PRRT2: variants seen among roughly 807,000 people sequenced by gnomAD.
PRRT2 encodes the protein proline rich transmembrane protein 2.
PRRT2 carries 9 observed loss-of-function variants against 24.7 expected under a neutral mutation model. That is an observed-to-expected ratio of 0.36 (90% CI 0.22 to 0.64). The LOEUF (loss-of-function observed/expected upper bound fraction) is 0.64, where lower values mean the gene tolerates loss of function less well. Among genes scored for constraint, PRRT2 ranks in the 30% least tolerant of loss-of-function variants. PRRT2 has a pLI of 0.65. For missense variants in PRRT2, 460 were observed against 435.0 expected (o/e 1.06, Z -0.51); for synonymous variants, 195 against 175.5 (o/e 1.11, Z -0.88).
Position 29,814,198 on chromosome 16 carries a change from ACTC to A in PRRT2, c.880-129_880-127del. Reference sequence around the variant, plus strand: ...TGTGCCCTCCTCCCCCTGCCCCTTCACTCCTCCTTCCTCCCTTACCCGCCATCT... The same window carrying A: ...TGTGCCCTCCTCCCCCTGCCCCTTCACTCCTTCCTCCCTTACCCGCCATCT... On this transcript the variant is annotated intron_variant, in intron 2 of 3. Coordinates refer to ENST00000358758, the MANE Select transcript of PRRT2 (RefSeq NM_145239.3). This position sits in a 1 kb window ranked among gnomAD's most constrained non-coding sequence, Gnocchi z 4.1. 2 of 1,473,466 alleles carry A rather than the reference ACTC, an allele frequency of 1.4e-6. No homozygotes were observed. Among genetic ancestry groups the A allele is most frequent in the Admixed American group, 2.4e-5 (1 of 41,200 alleles). The allele number at this position is 1,473,466 out of a possible 1,614,324, so 91.3% of individuals were successfully genotyped here.
At chr16:29,812,711 G>A (rs1900038738) in intron 1 of PRRT2, among the ~76,000 whole-genome samples, 1 of 151,948 alleles carries the variant, frequency 6.6e-6, no homozygotes, top group South Asian at 2.1e-4. Context: ...TGGGATCTGA[G>A]AGTCTGGATC....
In PRRT2 at chr16:29,813,787, CG is replaced by C; in HGVS notation, c.734del (p.Arg245ProfsTer68). The C allele has an allele frequency of 6.2e-7, 1 of 1,606,390 alleles. No homozygotes were observed. The highest frequency in any genetic ancestry group is 8.5e-7 in the Non-Finnish European group (1 of 1,176,236). On this transcript the variant is annotated frameshift_variant, in exon 2 of 4. Coordinates refer to ENST00000358758, the MANE Select transcript of PRRT2 (RefSeq NM_145239.3). LOFTEE classifies it high-confidence loss of function. ...AGGATCTCCCCGAGGTAGCCTGAGC[CG>C]CCACCCCAGCTCCCAGTTGGCAGGT... ...HPGSPRGSLS[R>X]HPSSQLAGPG...
Position 29,815,570 on chromosome 16 carries a change from G to A in PRRT2, c.*932G>A, listed in dbSNP as rs1900202020. 1 of 152,456 alleles carries A rather than the reference G, an allele frequency of 6.6e-6. No individual in the cohort carries two copies. Among genetic ancestry groups the A allele is most frequent in the Admixed American group, 6.5e-5 (1 of 15,294 alleles). 9.4% of individuals were successfully genotyped at this position (152,456 alleles called of 1,614,324 possible). On this transcript the variant is annotated 3_prime_UTR_variant, in exon 4 of 4. Coordinates refer to ENST00000358758, the MANE Select transcript of PRRT2 (RefSeq NM_145239.3). Reference sequence around the variant, plus strand: ...CGTAATGAAATAATCCAAAAAATAGGACCAAAGCGCCCACTGGCAGGAGCG... The same window carrying A: ...CGTAATGAAATAATCCAAAAAATAGAACCAAAGCGCCCACTGGCAGGAGCG...
At chr16:29,812,491 GAGGGGCTGAC>G (rs1163807513) in intron 1 of PRRT2, 168 bp downstream of exon 1, 1 of 152,708 alleles carries the variant, frequency 6.5e-6, no homozygotes, top group Non-Finnish European at 1.5e-5. Flanking sequence ...AGCCCCGGGA[GAGGGGCTGAC>G]AGGGGATCGA....
At chr16:29,812,695 G>C (rs1567378171) in intron 1 of PRRT2, among the ~76,000 whole-genome samples, 1 of 151,930 alleles carries the variant, frequency 6.6e-6, no homozygotes, top group Non-Finnish European at 1.5e-5. Flanking sequence ...GTTGATTTTG[G>C]GGTGCTGGGA....
Position 29,814,660 on chromosome 16 carries a change from A to G in PRRT2, c.*22A>G. 6.2e-7 allele frequency: 1 copy of G among 1,604,396 alleles called. No homozygotes were observed. Among genetic ancestry groups the G allele is most frequent in the Non-Finnish European group, 8.5e-7 (1 of 1,175,494 alleles). ...GTGAGGGGCTCTGCCCCGCATCCCA[A>G]GACTTTTCTTCCTGTTGGGAGCTGC... On this transcript the variant is annotated 3_prime_UTR_variant, in exon 4 of 4. Coordinates refer to ENST00000358758, the MANE Select transcript of PRRT2 (RefSeq NM_145239.3). This position sits in a 1 kb window ranked among gnomAD's most constrained non-coding sequence, Gnocchi z 4.1.
chr16:29,814,238 C>T lies in PRRT2; in HGVS notation c.880-95C>T. ...CTTACCCGCCATCTATGGGGCTGGC[C>T]TCTCTCTCTTCTGGATGACTTTTCC... On this transcript the variant is annotated intron_variant, in intron 2 of 3. Transcript: ENST00000358758. The surrounding 1 kb of genome is among the most constrained non-coding windows in gnomAD (Gnocchi z 4.1). The T allele has an allele frequency of 2.0e-6, 3 of 1,498,266 alleles. No individual in the cohort carries two copies. The highest frequency in any genetic ancestry group is 2.3e-5 in the Admixed American group (1 of 43,998). The allele number at this position is 1,498,266 out of a possible 1,614,324, so 92.8% of individuals were successfully genotyped here. A position where few individuals can be genotyped will look rare whatever the true frequency, so the allele number is the denominator to read the frequency against.
At position 29,813,592 on chromosome 16, in the gene PRRT2, G is replaced by A. The variant is rs2142425174; in HGVS notation, c.538G>A (p.Glu180Lys). 1 of 1,613,672 alleles carries A rather than the reference G, an allele frequency of 6.2e-7. No individual in the cohort carries two copies. Among genetic ancestry groups the A allele is most frequent in the Middle Eastern group, 1.7e-4 (1 of 6,058 alleles). Residue 180 changes from glutamate (E) to lysine (K), a missense_variant, in exon 2 of 4, where the codon GAG becomes AAG. Glu to Lys is a moderately conservative substitution (Grantham distance 56, BLOSUM62 1). Coordinates refer to ENST00000358758, the MANE Select transcript of PRRT2 (RefSeq NM_145239.3). Reference sequence around the variant, plus strand: ...GTCTGAGAGTGTAGGGGAAAAGCAAGAGAATGGGGCAGTGGTGCCCCTGCA... The same window carrying A: ...GTCTGAGAGTGTAGGGGAAAAGCAAAAGAATGGGGCAGTGGTGCCCCTGCA... ...ILSESVGEKQ[E>K]NGAVVPLQAG...
chr16:29,814,398 C>T lies in PRRT2; in HGVS notation c.945C>T (p.Leu315=). The change falls in exon 3 of 4, where the codon CTC becomes CTT. Residue 315 remains leucine, a synonymous_variant. Transcript: ENST00000358758. The surrounding 1 kb of genome is among the most constrained non-coding windows in gnomAD (Gnocchi z 4.1). ...AGCGTCTGGGCCGGGTAGCCAAGCT[C>T]TTAAGCATCGTGGCGCTGGTGGGGG... ...GAQRLGRVAK[L]LSIVALVGGV... The T allele has an allele frequency of 1.2e-5, 20 of 1,611,204 alleles. No individual in the cohort carries two copies. The highest frequency in any genetic ancestry group is 1.7e-5 in the Non-Finnish European group (20 of 1,178,982).
In PRRT2 at chr16:29,815,591, G is replaced by C. The variant is rs1250207819; in HGVS notation, c.*953G>C. ...ATAGGACCAAAGCGCCCACTGGCAG[G>C]AGCGAGGGCGGGGCGCCGCGCTCTA... On this transcript the variant is annotated 3_prime_UTR_variant, in exon 4 of 4. Coordinates refer to ENST00000358758, the MANE Select transcript of PRRT2 (RefSeq NM_145239.3). The C allele has an allele frequency of 6.6e-6, 1 of 152,436 alleles. No homozygotes were observed. The highest frequency in any genetic ancestry group is 3.2e-3 in the Middle Eastern group (1 of 316). The allele number at this position is 152,436 out of a possible 1,614,324, so 9.4% of individuals were successfully genotyped here. A position where few individuals can be genotyped will look rare whatever the true frequency, so the allele number is the denominator to read the frequency against.
chr16:29,813,885 C>T lies in PRRT2; in HGVS notation c.831C>T (p.Phe277=). 1 of 1,612,356 alleles carries T rather than the reference C, an allele frequency of 6.2e-7. No individual in the cohort carries two copies. Among genetic ancestry groups the T allele is most frequent in the Non-Finnish European group, 8.5e-7 (1 of 1,179,010 alleles). The change falls in exon 2 of 4, where the codon TTC becomes TTT. Residue 277 remains phenylalanine, a synonymous_variant. Coordinates refer to ENST00000358758, the MANE Select transcript of PRRT2 (RefSeq NM_145239.3). Reference sequence around the variant, plus strand: ...TCATCCTTGCCATCCTGTCCTGCTTCTGCCCCATGTGGCCTGTCAACATCG... The same window carrying T: ...TCATCCTTGCCATCCTGTCCTGCTTTTGCCCCATGTGGCCTGTCAACATCG... ...DYIILAILSC[F]CPMWPVNIVA... is the part of the protein sequence containing the mutation.
chr16:29,814,552 C>T lies in PRRT2; in HGVS notation c.1013-76C>T. Reference sequence around the variant, plus strand: ...AACCCCTGCCCCTGCTCTCTCCTGTCTGTCCTCCTTACCTCTCCTTTGTCT... The same window carrying T: ...AACCCCTGCCCCTGCTCTCTCCTGTTTGTCCTCCTTACCTCTCCTTTGTCT... On this transcript the variant is annotated intron_variant, in intron 3 of 3. Coordinates refer to ENST00000358758, the MANE Select transcript of PRRT2 (RefSeq NM_145239.3). This position sits in a 1 kb window ranked among gnomAD's most constrained non-coding sequence, Gnocchi z 4.1. The T allele has an allele frequency of 6.2e-7, 1 of 1,611,058 alleles. No individual in the cohort carries two copies.
chr16:29,813,625 G>T lies in PRRT2; in HGVS notation c.571G>T (p.Asp191Tyr), dbSNP rs2142425379. 15 of 1,613,304 alleles carry T rather than the reference G, an allele frequency of 9.3e-6. No homozygotes were observed. The highest frequency in any genetic ancestry group is 1.3e-5 in the Non-Finnish European group (15 of 1,179,692). Reference sequence around the variant, plus strand: ...GGCAGTGGTGCCCCTGCAGGCTGGTGATGGGGAAGAGGGCCCAGCCCCTGA... The same window carrying T: ...GGCAGTGGTGCCCCTGCAGGCTGGTTATGGGGAAGAGGGCCCAGCCCCTGA... ...NGAVVPLQAG[D>Y]GEEGPAPEPH... Residue 191 changes from aspartate to tyrosine, a missense_variant, in exon 2 of 4, where the codon GAT becomes TAT. Asp to Tyr is a radical substitution (Grantham distance 160). Around this residue, in one of 3 missense-constraint regions of PRRT2, gnomAD observed 378 missense variants for 324.6 expected, o/e 1.16. Coordinates refer to ENST00000358758, the MANE Select transcript of PRRT2 (RefSeq NM_145239.3).
rs777955072 is a variant in PRRT2, at chr16:29,813,576, T to G, written c.522T>G (p.Ser174Arg). ...CCACCCCTGAGATTCTGTCTGAGAG[T>G]GTAGGGGAAAAGCAAGAGAATGGGG... Reference protein sequence around the residue: ...EDPTPEILSESVGEKQENGAV... With the variant: ...EDPTPEILSERVGEKQENGAV... Residue 174 changes from serine (S) to arginine (R), a missense_variant, in exon 2 of 4, where the codon AGT (serine) becomes AGG (arginine). Around this residue, in one of 3 missense-constraint regions of PRRT2, gnomAD observed 378 missense variants for 324.6 expected, o/e 1.16. Transcript: ENST00000358758. 84 of 1,610,312 alleles carry G rather than the reference T, an allele frequency of 5.2e-5. No homozygotes were observed. In the East Asian group the frequency reaches 1.8e-3, roughly 35 times the overall value.
In PRRT2 at chr16:29,815,519, T is replaced by TG. The variant is rs953128134; in HGVS notation, c.*886dup. ...TCCGCGAGTTTCTTTCTTGAAGGTG[T>TG]GGGGGCTAGATTCATTCACGTGCTT... On this transcript the variant is annotated 3_prime_UTR_variant, in exon 4 of 4. Coordinates refer to ENST00000358758, the MANE Select transcript of PRRT2 (RefSeq NM_145239.3). The TG allele has an allele frequency of 6.6e-6, 1 of 152,440 alleles. No homozygotes were observed. The highest frequency in any genetic ancestry group is 6.5e-5 in the Admixed American group (1 of 15,272). The allele number at this position is 152,440 out of a possible 1,614,324, so 9.4% of individuals were successfully genotyped here.
rs1459034362 is a variant in PRRT2 at position 29,815,763 on chromosome 16, G to GA, written c.*1132dup. ...AAAAAAAAAAAAAAGTCTGGGGGAA[G>GA]AAAAAAACTAAAATTCTTAAAAAAA... is the stretch of plus-strand genomic sequence containing the variant. On this transcript the variant is annotated 3_prime_UTR_variant, in exon 4 of 4. Coordinates refer to ENST00000358758, the MANE Select transcript of PRRT2 (RefSeq NM_145239.3). 3.9e-5 allele frequency: 2 copies of GA among 51,718 alleles called. 1 individual carries two copies. The highest frequency in any genetic ancestry group is 1.3e-3 in the South Asian group (2 of 1,586). 3.2% of individuals were successfully genotyped at this position (51,718 alleles called of 1,614,324 possible).
chr16:29,814,097 A>C lies in PRRT2; in HGVS notation c.879+164A>C, dbSNP rs1596893481. On this transcript the variant is annotated intron_variant, in intron 2 of 3. Coordinates refer to ENST00000358758, the MANE Select transcript of PRRT2 (RefSeq NM_145239.3). The surrounding 1 kb of genome is among the most constrained non-coding windows in gnomAD (Gnocchi z 4.1). ...TTTGTTTGCCTCTCCCTAGGACCTA[A>C]CCCTCTGAGCCACCACTGCCCTGCC... 1 of 1,470,082 alleles carries C rather than the reference A, an allele frequency of 6.8e-7. No homozygotes were observed. The allele number at this position is 1,470,082 out of a possible 1,614,324, so 91.1% of individuals were successfully genotyped here.
rs1900093915 is a variant in PRRT2 at position 29,813,646 on chromosome 16, C to G, written c.592C>G (p.Pro198Ala). The G allele has an allele frequency of 6.2e-7, 1 of 1,612,502 alleles. No homozygotes were observed. The highest frequency in any genetic ancestry group is 1.3e-5 in the African/African-American group (1 of 74,880). ...QAGDGEEGPA[P>A]EPHSPPSKKS... ...TGGTGATGGGGAAGAGGGCCCAGCC[C>G]CTGAGCCTCACTCACCACCCTCAAA... Residue 198 changes from proline to alanine, a missense_variant, in exon 2 of 4, where the codon CCT becomes GCT. Coordinates refer to ENST00000358758, the MANE Select transcript of PRRT2 (RefSeq NM_145239.3).
chr16:29,813,983 C>T (rs747399705), intron 2 of PRRT2, 50 bp downstream of exon 2: 14 of 1,531,386 alleles, frequency 9.1e-6, no homozygotes, highest in Middle Eastern at 1.8e-4. Flanking sequence ...CCCAGCTTCC[C>T]GCCAGCGCTG....
Sources: allele counts gnomAD v4.1 joint callset (sites outside exome capture counted in the v4.1 genomes callset), GRCh38; gene constraint gnomAD v4.1.1; regional missense constraint gnomAD v4.1.1; non-coding constraint Gnocchi (gnomAD v3.1); transcripts MANE v1.5; gene names NCBI Gene and HGNC (gene_info 2026-07-23, HGNC 2026-07-21).